PCYT1A: variants seen among roughly 807,000 people sequenced by gnomAD.
PCYT1A encodes phosphate cytidylyltransferase 1A, choline, also known as choline-phosphate cytidylyltransferase A.
Under a neutral mutation model 43.7 loss-of-function variants are expected in PCYT1A, and 25 were observed. The ratio of observed to expected loss-of-function variants is 0.57; its 90% CI spans 0.42 to 0.80. The LOEUF is 0.80. PCYT1A is among the 30% of genes least tolerant of loss of function. The probability of loss-of-function intolerance (pLI) is 0.00; values close to 1 mark genes in which losing one functional copy is unlikely to be tolerated. For synonymous variants in PCYT1A, 172 were observed against 170.7 expected (o/e 1.01, Z -0.06); for missense variants, 421 against 474.2 (o/e 0.89, Z 1.04).
chr3:196,270,653 G>A, intron 1 of PCYT1A, 112 bp from the exon 2 acceptor site: 1 of 778,464 alleles, frequency 1.3e-6, no homozygotes, highest in Non-Finnish European at 2.3e-6. Context: ...CAATTCTACA[G>A]CTGCACTTCA....
In PCYT1A at chr3:196,241,496, A is replaced by G. The variant is rs1724354849; in HGVS notation, c.708+452T>C. On this transcript the variant is annotated intron_variant, in intron 7 of 8. Coordinates refer to ENST00000431016, the MANE Select transcript of PCYT1A (RefSeq NM_001312673.2). ...GCCCAGAAAAATATATAGAGTTTCTAAAAGGCAATATTAAGCTAAGATAAA... is the reference window on the plus strand; with the variant it reads ...GCCCAGAAAAATATATAGAGTTTCTGAAAGGCAATATTAAGCTAAGATAAA... The G allele has an allele frequency of 3.1e-6, 4 of 1,288,040 alleles. No homozygotes were observed. In the African/African-American group the frequency reaches 6.1e-5, roughly 20 times the overall value. The allele number at this position is 1,288,040 out of a possible 1,614,324, so 79.8% of individuals were successfully genotyped here.
chr3:196,250,106 G>A (rs113482302), intron 3 of PCYT1A, among the ~76,000 whole-genome samples: 2 of 110,990 alleles, frequency 1.8e-5, no homozygotes, highest in Non-Finnish European at 3.8e-5. Context: ...TGAGGACCAG[G>A]TACACCATGC....
intron 7 of PCYT1A, among the ~76,000 whole-genome samples, chr3:196,240,359 C>T (rs891999510): frequency 2.0e-5 from 3 of 152,086 alleles, no homozygotes; most frequent in African/African-American, 4.8e-5. Context: ...ATAAACCCTC[C>T]GGTGGAAGGG....
intron 3 of PCYT1A, among the ~76,000 whole-genome samples, chr3:196,255,569 C>T (rs1007490426): frequency 6.6e-6 from 1 of 152,190 alleles, no homozygotes; most frequent in Admixed American, 6.5e-5. Flanking sequence ...TGGCTCACTC[C>T]TGTAATCCCA....
intron 3 of PCYT1A, among the ~76,000 whole-genome samples, chr3:196,249,191 G>T (rs1724670228): frequency 6.6e-6 from 1 of 151,716 alleles, no homozygotes; most frequent in Non-Finnish European, 1.5e-5. Flanking sequence ...CTGTCATCCA[G>T]CCTGGAGTGC....
intron 1 of PCYT1A, among the ~76,000 whole-genome samples, chr3:196,278,980 C>CAAA (rs148985648): frequency 2.3e-4 from 12 of 51,618 alleles, no homozygotes; most frequent in African/African-American, 6.3e-4. Flanking sequence ...GACCTCATCT[C>CAAA]AAAAAAAAAA....
intron 1 of PCYT1A, among the ~76,000 whole-genome samples, chr3:196,285,191 G>A (rs938533367): frequency 6.6e-6 from 1 of 152,160 alleles, no homozygotes; most frequent in Non-Finnish European, 1.5e-5. Context: ...CAGGCGTGGT[G>A]GTCACACCTG....
At position 196,247,331 on chromosome 3, in the gene PCYT1A, G is replaced by A; in HGVS notation, c.486+36C>T. The A allele has an allele frequency of 6.2e-7, 1 of 1,608,242 alleles. No homozygotes were observed. Among genetic ancestry groups the A allele is most frequent in the South Asian group, 1.1e-5 (1 of 90,848 alleles). On this transcript the variant is annotated intron_variant, in intron 5 of 8. Coordinates refer to ENST00000431016, the MANE Select transcript of PCYT1A (RefSeq NM_001312673.2). This position sits in a 1 kb window ranked among gnomAD's most constrained non-coding sequence, Gnocchi z 4.8. Reference sequence around the variant, plus strand: ...CAGCTTTGAGAGTTGAGGGGATTCTGAAACAAGGAATGGGAATATGTGTCC... The same window carrying A: ...CAGCTTTGAGAGTTGAGGGGATTCTAAAACAAGGAATGGGAATATGTGTCC...
rs1202315819 is a variant in PCYT1A, at chr3:196,235,854, A to T, written c.*2834T>A. 6.6e-6 allele frequency: 1 copy of T among 152,312 alleles called. No individual in the cohort carries two copies. Among genetic ancestry groups the T allele is most frequent in the Admixed American group, 6.5e-5 (1 of 15,288 alleles). The allele number at this position is 152,312 out of a possible 1,614,324, so 9.4% of individuals were successfully genotyped here. ...AACCTCATTTAATTAGGCACAGATG[A>T]CCACATTATGCAACTTCCCAACAGC... On this transcript the variant is annotated 3_prime_UTR_variant, in exon 9 of 9. Coordinates refer to ENST00000431016, the MANE Select transcript of PCYT1A (RefSeq NM_001312673.2). The surrounding 1 kb of genome is among the most constrained non-coding windows in gnomAD (Gnocchi z 4.3).
intron 7 of PCYT1A, among the ~76,000 whole-genome samples, chr3:196,241,104 G>A (rs537930482): frequency 7.7e-6 from 1 of 129,094 alleles, no homozygotes; most frequent in South Asian, 2.5e-4. Context: ...GACCAGCCTG[G>A]CAAACATGGC....
Position 196,238,721 on chromosome 3 carries a change from T to C in PCYT1A, c.1071A>G (p.Ala357=). The change falls in exon 9 of 9, where the codon GCA becomes GCG. Residue 357 remains alanine (A), a synonymous_variant. Transcript: ENST00000431016. ...SPANLSRHKA[A]AYDISEDEED ...CTTCATCCTCACTGATATCATAGGC[T>C]GCAGCCTTGTGCCTGGAGAGATTTG... The C allele has an allele frequency of 6.3e-7, 1 of 1,586,334 alleles. No homozygotes were observed. Among genetic ancestry groups the C allele is most frequent in the Non-Finnish European group, 8.6e-7 (1 of 1,167,518 alleles).
chr3:196,244,968 C>T (rs533308518), intron 5 of PCYT1A, among the ~76,000 whole-genome samples: 7 of 152,252 alleles, frequency 4.6e-5, no homozygotes, highest in African/African-American at 1.2e-4. Context: ...GGCCGCAGGG[C>T]CCTCTGCCTA....
At chr3:196,251,177 A>G (rs1284067425) in intron 3 of PCYT1A, among the ~76,000 whole-genome samples, 1 of 150,572 alleles carries the variant, frequency 6.6e-6, no homozygotes, top group Non-Finnish European at 1.5e-5. Flanking sequence ...CACATACACC[A>G]TGCTGAGGCT....
At chr3:196,266,414 A>G (rs967818032) in intron 2 of PCYT1A, among the ~76,000 whole-genome samples, 1 of 151,946 alleles carries the variant, frequency 6.6e-6, no homozygotes, top group Non-Finnish European at 1.5e-5. Flanking sequence ...CGGAGCTTGC[A>G]GTGAGCCGAG....
At chr3:196,241,847 G>A in intron 7 of PCYT1A, 101 bp downstream of exon 7, 1 of 1,391,994 alleles carries the variant, frequency 7.2e-7, no homozygotes, top group South Asian at 1.2e-5. Flanking sequence ...TTTTGGGAGT[G>A]ATCATCAAAG....
rs202173980 is a variant in PCYT1A, at chr3:196,271,040, T to C, written c.-10-499A>G. 2.0e-5 allele frequency among the ~76,000 whole-genome samples: 3 copies of C among 152,176 alleles called. No homozygotes were observed. The East Asian group carries it at 5.8e-4, about 29-fold the overall frequency. On this transcript the variant is annotated intron_variant, in intron 1 of 8. Transcript: ENST00000431016. ...CACGGATTTCTTAACTCTAATTTTTTTTAAGACGGGGTCTCACTCTGTTGC... is the reference window on the plus strand; with the variant it reads ...CACGGATTTCTTAACTCTAATTTTTCTTAAGACGGGGTCTCACTCTGTTGC...
chr3:196,238,788 C>T lies in PCYT1A; in HGVS notation c.1004G>A (p.Arg335Gln), dbSNP rs754397679. The T allele has an allele frequency of 3.8e-5, 60 of 1,586,064 alleles. No homozygotes were observed. The highest frequency in any genetic ancestry group is 4.3e-5 in the Non-Finnish European group (50 of 1,167,174). ...GGAAGTCTTGCCGGAGAAGGGCCATCGGAAAGAGGGGGAGGGGGAGCGCTC... is the reference window on the plus strand; with the variant it reads ...GGAAGTCTTGCCGGAGAAGGGCCATTGGAAAGAGGGGGAGGGGGAGCGCTC... ...TRERSPSPSF[R>Q]WPFSGKTSPP... Residue 335 changes from arginine (R) to glutamine (Q), a missense_variant, in exon 9 of 9, where the codon CGA becomes CAA. By Grantham distance (43) the Arg-to-Gln change is conservative. Transcript: ENST00000431016.
chr3:196,250,220 C>T (rs1346783162), intron 3 of PCYT1A, among the ~76,000 whole-genome samples: 2 of 139,616 alleles, frequency 1.4e-5, no homozygotes, highest in Non-Finnish European at 1.6e-5. Flanking sequence ...CCAGGTACAC[C>T]ATGCCGAGGC....
In PCYT1A at chr3:196,242,468, T is replaced by C; in HGVS notation, c.565+94A>G. 2.3e-6 allele frequency: 2 copies of C among 867,758 alleles called. No individual in the cohort carries two copies. Among genetic ancestry groups the C allele is most frequent in the Non-Finnish European group, 4.0e-6 (2 of 500,086 alleles). The allele number at this position is 867,758 out of a possible 1,614,324, so 53.8% of individuals were successfully genotyped here. A position where few individuals can be genotyped will look rare whatever the true frequency, so the allele number is the denominator to read the frequency against. On this transcript the variant is annotated intron_variant, in intron 6 of 8. Transcript: ENST00000431016. This position sits in a 1 kb window ranked among gnomAD's most constrained non-coding sequence, Gnocchi z 4.2. ...GGCCTGAAAGAGGATGTTGAATTTCTAATGTACACATTTTCCTCTGTAAAG... is the reference window on the plus strand; with the variant it reads ...GGCCTGAAAGAGGATGTTGAATTTCCAATGTACACATTTTCCTCTGTAAAG...
Sources: gnomAD v4.1 joint callset for allele counts (sites outside exome capture counted in the v4.1 genomes callset) on GRCh38, gnomAD v4.1.1 for gene constraint, Gnocchi (gnomAD v3.1) non-coding constraint, MANE v1.5 for transcripts, NCBI Gene and HGNC (gene_info 2026-07-23, HGNC 2026-07-21) for gene names.